RIPK4: variants seen among roughly 807,000 people sequenced by gnomAD.
RIPK4 encodes the protein receptor-interacting serine/threonine-protein kinase 4.
Under a neutral mutation model 42.9 loss-of-function variants are expected in RIPK4, and 17 were observed. The observed-to-expected ratio is 0.40, with a 90% CI of 0.27 to 0.59. RIPK4 has a LOEUF of 0.59. RIPK4 is among the 20% of genes least tolerant of loss of function. RIPK4 has a pLI of 0.47. For synonymous variants in RIPK4, 498 were observed against 499.1 expected, an observed-to-expected ratio of 1.00 and a Z score of 0.03; for missense variants, 897 against 1,104.4, an observed-to-expected ratio of 0.81 and a Z score of 2.66.
At chr21:41,759,376 G>A (rs1365316361) in intron 1 of RIPK4, among the ~76,000 whole-genome samples, 2 of 152,272 alleles carry the variant, frequency 1.3e-5, no homozygotes, top group East Asian at 1.9e-4. Flanking sequence ...ACAGGCATGA[G>A]TCACCGTGCC....
chr21:41,766,050 G>A (rs2061235098), intron 1 of RIPK4, among the ~76,000 whole-genome samples: 1 of 152,258 alleles, frequency 6.6e-6, no homozygotes, highest in South Asian at 2.1e-4. Flanking sequence ...CTGACTTTTG[G>A]ACTGGGAAAC....
intron 2 of RIPK4, among the ~76,000 whole-genome samples, chr21:41,752,339 G>T (rs954321339): frequency 1.4e-4 from 21 of 152,214 alleles, no homozygotes; most frequent in African/African-American, 4.3e-4. Flanking sequence ...CATGTGGTGA[G>T]CCAATAGGGC....
At position 41,742,035 on chromosome 21, in the gene RIPK4, G is replaced by C; in HGVS notation, c.1196-38C>G. 1 of 1,524,870 alleles carries C rather than the reference G, an allele frequency of 6.6e-7. No individual in the cohort carries two copies. Among genetic ancestry groups the C allele is most frequent in the Non-Finnish European group, 8.8e-7 (1 of 1,131,530 alleles). The allele number at this position is 1,524,870 out of a possible 1,614,324, so 94.5% of individuals were successfully genotyped here. On this transcript the variant is annotated intron_variant, in intron 7 of 7. Transcript: ENST00000332512. The surrounding 1 kb of genome is among the most constrained non-coding windows in gnomAD (Gnocchi z 5.1). ...GAGAGGCAAAGGTCAGAGCGTGGCT[G>C]CACATCCAGGGACGTGGCGTCTCTG...
chr21:41,756,704 T>C lies in RIPK4; in HGVS notation c.295A>G (p.Met99Val). Residue 99 changes from methionine to valine, a missense_variant, in exon 2 of 8, where the codon ATG becomes GTG. Transcript: ENST00000332512. The part of the protein sequence containing the change: ...REPVGLVMEY[M>V]ETGSLEKLLA... ...AGCTTTTCCAGGGAGCCCGTCTCCA[T>C]GTACTCCATGACCAGGCCGACAGGT... 1.2e-6 allele frequency: 2 copies of C among 1,614,234 alleles called. No individual in the cohort carries two copies. The highest frequency in any genetic ancestry group is 1.7e-6 in the Non-Finnish European group (2 of 1,180,048).
intron 3 of RIPK4, among the ~76,000 whole-genome samples, chr21:41,749,501 GAAC>G (rs2146051282): frequency 6.6e-6 from 1 of 152,318 alleles, no homozygotes; most frequent in East Asian, 1.9e-4. Flanking sequence ...AGCTCCTGGG[GAAC>G]AGCGCCTGTG....
In RIPK4 at chr21:41,742,673, G is replaced by A. The variant is rs2061158347; in HGVS notation, c.1196-676C>T. ...TCTCCTCCGCCCTCATGTGAAACGC[G>A]TGGGGACTTGGAAGTCGGCGGTGGG... On this transcript the variant is annotated intron_variant, in intron 7 of 7. Transcript: ENST00000332512. This position sits in a 1 kb window ranked among gnomAD's most constrained non-coding sequence, Gnocchi z 5.1. Among the ~76,000 whole-genome samples, 1 of 152,182 alleles carries A rather than the reference G, an allele frequency of 6.6e-6. No individual in the cohort carries two copies. The highest frequency in any genetic ancestry group is 2.4e-5 in the African/African-American group (1 of 41,436).
At chr21:41,759,984 G>T (rs1384016744) in intron 1 of RIPK4, among the ~76,000 whole-genome samples, 10 of 152,172 alleles carry the variant, frequency 6.6e-5, no homozygotes, top group African/African-American at 2.2e-4. Context: ...ATAGCCCACT[G>T]GTTCTCAATT....
chr21:41,741,115 T>G lies in RIPK4; in HGVS notation c.2078A>C (p.Lys693Thr). The change falls in exon 8 of 8, where the codon AAG (lysine) becomes ACG (threonine). Residue 693 changes from lysine (K) to threonine (T), a missense_variant. Physicochemically the swap from Lys to Thr is moderately conservative, Grantham distance 78 (BLOSUM62 -1). Coordinates refer to ENST00000332512, the MANE Select transcript of RIPK4 (RefSeq NM_020639.3). ...LATVKLLVEE[K>T]ADVLARGPLN... Reference sequence around the variant, plus strand: ...GGGTCCCCGGGCCAGCACATCGGCCTTCTCCTCGACAAGCAGCTTGACAGT... The same window carrying G: ...GGGTCCCCGGGCCAGCACATCGGCCGTCTCCTCGACAAGCAGCTTGACAGT... 1 of 1,612,678 alleles carries G rather than the reference T, an allele frequency of 6.2e-7. No individual in the cohort carries two copies.
rs1479763213 is a variant in RIPK4 at position 41,757,998 on chromosome 21, C to CCAAAAAAAAAAAAA, written c.183-1183_183-1182insTTTTTTTTTTTTTG. Reference sequence around the variant, plus strand: ...TGGGCGACACAGAGAGACTCCATAACAAAAAAAAAAAAAAAAAAAAAAAAT... The same window carrying CCAAAAAAAAAAAAA: ...TGGGCGACACAGAGAGACTCCATAACCAAAAAAAAAAAAAAAAAAAAAAAAAAAAAAAAAAAAAT... On this transcript the variant is annotated intron_variant, in intron 1 of 7. Coordinates refer to ENST00000332512, the MANE Select transcript of RIPK4 (RefSeq NM_020639.3). Among the ~76,000 whole-genome samples the CCAAAAAAAAAAAAA allele has an allele frequency of 1.5e-4, 2 of 13,080 alleles. 1 individual carries two copies. The highest frequency in any genetic ancestry group is 8.7e-4 in the African/African-American group (2 of 2,286). 8.6% of individuals were successfully genotyped at this position (13,080 alleles called of 152,430 possible).
At chr21:41,756,009 T>G (rs1401620707) in intron 2 of RIPK4, among the ~76,000 whole-genome samples, 8 of 152,208 alleles carry the variant, frequency 5.3e-5, no homozygotes, top group Admixed American at 3.9e-4. Context: ...CACTCCGCAC[T>G]CTACGCAGGG....
Position 41,751,214 on chromosome 21 carries a change from C to CA in RIPK4, c.505_506insT (p.Gly169ValfsTer7). Reference sequence around the variant, plus strand: ...GCTGAGGTCATGCGAGTGGGACAGCCCGTTGCACTTGGCCAGACCAAAATC... The same window carrying CA: ...GCTGAGGTCATGCGAGTGGGACAGCCACGTTGCACTTGGCCAGACCAAAATC... On this transcript the variant is annotated frameshift_variant, in exon 3 of 8. Coordinates refer to ENST00000332512, the MANE Select transcript of RIPK4 (RefSeq NM_020639.3). LOFTEE classifies it high-confidence loss of function. The surrounding 1 kb of genome is among the most constrained non-coding windows in gnomAD (Gnocchi z 4.5). 1 of 1,614,238 alleles carries CA rather than the reference C, an allele frequency of 6.2e-7. No homozygotes were observed. The highest frequency in any genetic ancestry group is 8.5e-7 in the Non-Finnish European group (1 of 1,180,030).
intron 7 of RIPK4, among the ~76,000 whole-genome samples, chr21:41,743,411 C>T (rs889841297): frequency 6.6e-6 from 1 of 152,260 alleles, no homozygotes; most frequent in Non-Finnish European, 1.5e-5. Context: ...GGTGGTAAAA[C>T]CTCCAAGGAT....
chr21:41,752,531 C>T (rs1404706172), intron 2 of RIPK4, among the ~76,000 whole-genome samples: 1 of 152,214 alleles, frequency 6.6e-6, no homozygotes, highest in Non-Finnish European at 1.5e-5. Flanking sequence ...TGTCCTCCCA[C>T]TTCCATTTCT....
rs539062677 is a variant in RIPK4, at chr21:41,755,499, G to A, written c.474+1026C>T. 2.6e-5 allele frequency among the ~76,000 whole-genome samples: 4 copies of A among 152,264 alleles called. No homozygotes were observed. In the East Asian group the frequency reaches 5.8e-4, roughly 22 times the overall value. ...CACCCAAGAGCTCAGGGGCAGGGCC[G>A]GGCCCTGAATTCAGGTCTCTCCTAA... On this transcript the variant is annotated intron_variant, in intron 2 of 7. Transcript: ENST00000332512. This position sits in a 1 kb window ranked among gnomAD's most constrained non-coding sequence, Gnocchi z 4.2.
chr21:41,741,312 G>A lies in RIPK4; in HGVS notation c.1881C>T (p.Cys627=), dbSNP rs1397088606. 6 of 1,608,564 alleles carry A rather than the reference G, an allele frequency of 3.7e-6. No homozygotes were observed. The highest frequency in any genetic ancestry group is 1.7e-5 in the Admixed American group (1 of 59,996). ...YRVARILIDL[C]SDVNVCSLLA... Reference sequence around the variant, plus strand: ...GCAGGCTGCAGACGTTGACGTCGGAGCACAGGTCGATGAGGATGCGGGCCA... The same window carrying A: ...GCAGGCTGCAGACGTTGACGTCGGAACACAGGTCGATGAGGATGCGGGCCA... The change falls in exon 8 of 8, where the codon TGC becomes TGT. Residue 627 remains cysteine, a synonymous_variant. Transcript: ENST00000332512.
chr21:41,762,813 C>G (rs935926824), intron 1 of RIPK4, among the ~76,000 whole-genome samples: 1 of 151,940 alleles, frequency 6.6e-6, no homozygotes, highest in African/African-American at 2.4e-5. Flanking sequence ...GGAGAGATGC[C>G]GAATCCAGCC....
chr21:41,753,272 GAAAGAAAAGA>G (rs780485250), intron 2 of RIPK4, among the ~76,000 whole-genome samples: 19 of 144,650 alleles, frequency 1.3e-4, no homozygotes, highest in African/African-American at 7.5e-5. Flanking sequence ...AGATCATTAA[GAAAGAAAAGA>G]AAAGAAAAGA....
At chr21:41,756,985 T>G (rs2061205624) in intron 1 of RIPK4, among the ~76,000 whole-genome samples, 169 bp from the exon 2 acceptor site, 1 of 152,090 alleles carries the variant, frequency 6.6e-6, no homozygotes, top group African/African-American at 2.4e-5. Flanking sequence ...CTTTCCAGAG[T>G]CTCAGTCCTG....
intron 2 of RIPK4, among the ~76,000 whole-genome samples, chr21:41,754,005 A>ATTTAT (rs2061195786): frequency 6.6e-6 from 1 of 152,110 alleles, no homozygotes; most frequent in African/African-American, 2.4e-5. Flanking sequence ...TTTACATTTA[A>ATTTAT]CTGCTTCATG....
Sources: allele counts gnomAD v4.1 joint callset (sites outside exome capture counted in the v4.1 genomes callset), GRCh38; gene constraint gnomAD v4.1.1; non-coding constraint Gnocchi (gnomAD v3.1); transcripts MANE v1.5; gene names NCBI Gene and HGNC (gene_info 2026-07-23, HGNC 2026-07-21).